The following CFTR variants were observed in gnomAD, a reference collection of about 807,000 sequenced individuals.
CFTR encodes cystic fibrosis transmembrane conductance regulator.
A neutral mutation model predicts 171.6 loss-of-function variants in CFTR; 181 were observed. The observed-to-expected ratio is 1.05, with a 90% CI of 0.93 to 1.19. The LOEUF (loss-of-function observed/expected upper bound fraction) is 1.19. Ranked by LOEUF, CFTR falls within the 50% of genes most tolerant of loss-of-function variation. The probability of loss-of-function intolerance (pLI) is 0.00; values close to 1 mark genes in which losing one functional copy is unlikely to be tolerated. For synonymous variants in CFTR, 583 were observed against 608.0 expected, an observed-to-expected ratio of 0.96 and a Z score of 0.60; for missense variants, 1,968 against 1,734.7, an observed-to-expected ratio of 1.13 and a Z score of -2.39.
intron 11 of CFTR, among the ~76,000 whole-genome samples, chr7:117,568,077 G>A (rs182471081): frequency 9.2e-5 from 14 of 152,302 alleles, no homozygotes; most frequent in African/African-American, 3.4e-4. Flanking sequence ...GGGAACTATA[G>A]TCACTTCTGT....
chr7:117,666,918 A>G lies in CFTR; in HGVS notation c.4253A>G (p.Glu1418Gly). ...LECQQFLVIEENKVRQYDSIQ... is the reference protein window; with the variant it reads ...LECQQFLVIEGNKVRQYDSIQ... ...CAGCCATTTCCCTAGGTCATAGAAGAGAACAAAGTGCGGCAGTACGATTCC... is the reference window on the plus strand; with the variant it reads ...CAGCCATTTCCCTAGGTCATAGAAGGGAACAAAGTGCGGCAGTACGATTCC... The change falls in exon 27 of 27, where the codon GAG becomes GGG. Residue 1418 changes from glutamate (E) to glycine (G), a missense_variant. Transcript: ENST00000003084. The G allele has an allele frequency of 6.2e-7, 1 of 1,614,058 alleles. No homozygotes were observed. The highest frequency in any genetic ancestry group is 1.1e-5 in the South Asian group (1 of 91,082).
chr7:117,604,724 C>T (rs1420383492), intron 17 of CFTR: 5 of 152,094 alleles, frequency 3.3e-5, no homozygotes, highest in Admixed American at 3.3e-4. Context: ...GAAATATTGC[C>T]GCATTTGCAT....
At chr7:117,605,143 TC>T (rs1792282899) in intron 17 of CFTR, among the ~76,000 whole-genome samples, 1 of 152,204 alleles carries the variant, frequency 6.6e-6, no homozygotes, top group Non-Finnish European at 1.5e-5. Flanking sequence ...CACTGGCCAT[TC>T]CACTTCTTCT....
chr7:117,582,688 A>G (rs1791866911), intron 11 of CFTR, among the ~76,000 whole-genome samples: 1 of 152,160 alleles, frequency 6.6e-6, no homozygotes, highest in Non-Finnish European at 1.5e-5. Flanking sequence ...CTCTTAAAAT[A>G]AAAAAAGAAT....
At chr7:117,650,079 A>C (rs772201302) in intron 23 of CFTR, among the ~76,000 whole-genome samples, 1 of 152,132 alleles carries the variant, frequency 6.6e-6, no homozygotes, top group Admixed American at 6.6e-5. Flanking sequence ...GGAGGGGCTA[A>C]ACCATGTAGG....
In CFTR at chr7:117,548,652, A is replaced by G. The variant is rs2115902714; in HGVS notation, c.1221A>G (p.Glu407=). ...TGTTTTTTTAACAGGGATTTGGGGAATTATTTGAGAAAGCAAAACAAAACA... is the reference window on the plus strand; with the variant it reads ...TGTTTTTTTAACAGGGATTTGGGGAGTTATTTGAGAAAGCAAAACAAAACA... ...VTAFWEEGFG[E]LFEKAKQNNN... is the part of the protein sequence containing the mutation. Residue 407 remains glutamate, a synonymous_variant, in exon 10 of 27, where the codon GAA becomes GAG. Transcript: ENST00000003084. The G allele has an allele frequency of 7.4e-6, 12 of 1,612,616 alleles. No homozygotes were observed. Among genetic ancestry groups the G allele is most frequent in the Non-Finnish European group, 1.0e-5 (12 of 1,179,276 alleles).
intron 21 of CFTR, among the ~76,000 whole-genome samples, chr7:117,624,747 A>G (rs1381041429): frequency 6.6e-6 from 1 of 152,034 alleles, no homozygotes; most frequent in African/African-American, 2.4e-5. Context: ...ATTTTTGTCT[A>G]TGGCTACTGT....
intron 20 of CFTR, among the ~76,000 whole-genome samples, chr7:117,613,970 TAA>T (rs764045064): frequency 6.6e-6 from 1 of 150,624 alleles, no homozygotes; most frequent in African/African-American, 2.4e-5. Flanking sequence ...ATTTAACACT[TAA>T]GTGTTGTTCT....
intron 11 of CFTR, among the ~76,000 whole-genome samples, chr7:117,584,540 G>A (rs980449671): frequency 6.6e-6 from 1 of 151,964 alleles, no homozygotes; most frequent in East Asian, 1.9e-4. Context: ...TTGCCTATTT[G>A]TGTACCAGTA....
At chr7:117,638,445 A>C (rs1792860895) in intron 22 of CFTR, among the ~76,000 whole-genome samples, 1 of 152,146 alleles carries the variant, frequency 6.6e-6, no homozygotes, top group South Asian at 2.1e-4. Context: ...TAGAATAGGA[A>C]TTGATTCTTA....
chr7:117,538,505 T>G (rs1304515482), intron 7 of CFTR, among the ~76,000 whole-genome samples: 1 of 152,180 alleles, frequency 6.6e-6, no homozygotes, highest in Non-Finnish European at 1.5e-5. Flanking sequence ...AGTTAATATA[T>G]TTCAACAACA....
Position 117,535,525 on chromosome 7 carries a change from ATTTTTTTTTTT to A in CFTR, c.743+126_743+136del. 8.0e-6 allele frequency: 4 copies of A among 499,760 alleles called. No individual in the cohort carries two copies. In the South Asian group the frequency reaches 8.4e-5, roughly 10 times the overall value. 31.0% of individuals were successfully genotyped at this position (499,760 alleles called of 1,614,324 possible). On this transcript the variant is annotated intron_variant, in intron 6 of 26. Coordinates refer to ENST00000003084, the MANE Select transcript of CFTR (RefSeq NM_000492.4). ...GAACAGTGATCTTCAGTGTCATTAAATTTTTTTTTTTTTTTTTTTTTTGAGACAGAGTCTAG... is the reference window on the plus strand; with the variant it reads ...GAACAGTGATCTTCAGTGTCATTAAATTTTTTTTTTTGAGACAGAGTCTAG...
intron 11 of CFTR, among the ~76,000 whole-genome samples, chr7:117,562,065 CATGTA>C (rs1318138838): frequency 6.6e-6 from 1 of 152,134 alleles, no homozygotes; most frequent in East Asian, 1.9e-4. Context: ...ATGAGATGTA[CATGTA>C]ATGTACCTAA....
Position 117,540,218 on chromosome 7 carries a change from G to T in CFTR, c.988G>T (p.Gly330Ter), listed in dbSNP as rs79031340. 2.5e-6 allele frequency: 4 copies of T among 1,613,934 alleles called. No homozygotes were observed. In the African/African-American group the frequency reaches 5.3e-5, roughly 22 times the overall value. The change falls in exon 8 of 27, where the codon GGA (glycine) becomes TGA (stop). Residue 330 changes from glycine (G) to a stop codon, truncating the protein, a stop_gained. Transcript: ENST00000003084. LOFTEE classifies it high-confidence loss of function. ...LSVLPYALIK[G>*]IILRKIFTTI... ...TGTGCTTCCCTATGCACTAATCAAA[G>T]GAATCATCCTCCGGAAAATATTCAC...
chr7:117,655,485 C>T (rs546287486), intron 24 of CFTR, among the ~76,000 whole-genome samples: 1 of 152,278 alleles, frequency 6.6e-6, no homozygotes, highest in African/African-American at 2.4e-5. Context: ...GAACATTCTG[C>T]TCATGACCAC....
At chr7:117,543,426 C>G (rs536425468) in intron 9 of CFTR, among the ~76,000 whole-genome samples, 5 of 152,280 alleles carry the variant, frequency 3.3e-5, no homozygotes, top group Middle Eastern at 3.4e-3. Flanking sequence ...TTTTCCTACT[C>G]TGGTGCAAAA....
chr7:117,603,307 T>A (rs926462474), intron 16 of CFTR, among the ~76,000 whole-genome samples: 3 of 152,234 alleles, frequency 2.0e-5, no homozygotes, highest in African/African-American at 7.2e-5. Flanking sequence ...TTTAGGGTTT[T>A]CTTCAAATTT....
chr7:117,492,805 G>A lies in CFTR; in HGVS notation c.54-11448G>A, dbSNP rs527632890. Among the ~76,000 whole-genome samples the A allele has an allele frequency of 3.9e-5, 6 of 152,052 alleles. No individual in the cohort carries two copies. In the South Asian group the frequency reaches 1.2e-3, roughly 32 times the overall value. ...ACAGGATAGAATAGAGCACACCATG[G>A]GGAATTAATCTAGACTTCAGAGAGG... On this transcript the variant is annotated intron_variant, in intron 1 of 26. Transcript: ENST00000003084.
chr7:117,663,262 A>C (rs1793318364), intron 24 of CFTR, among the ~76,000 whole-genome samples: 1 of 152,162 alleles, frequency 6.6e-6, no homozygotes, highest in Non-Finnish European at 1.5e-5. Flanking sequence ...CTCCCTGCCC[A>C]GTGCCCTTTA....
Sources: gnomAD v4.1 joint callset for allele counts (sites outside exome capture counted in the v4.1 genomes callset) on GRCh38, gnomAD v4.1.1 for gene constraint, MANE v1.5 for transcripts, NCBI Gene and HGNC (gene_info 2026-07-23, HGNC 2026-07-21) for gene names.